SACM1L: variants seen among roughly 807,000 people sequenced by gnomAD.
The protein encoded by SACM1L is phosphatidylinositol-3-phosphatase SAC1.
A neutral mutation model predicts 89.5 loss-of-function variants in SACM1L; 32 were observed. The ratio of observed to expected loss-of-function variants is 0.36; its 90% CI spans 0.27 to 0.48. SACM1L has a LOEUF of 0.48. Ranked by LOEUF, SACM1L falls within the 20% of genes least tolerant of loss-of-function variation. The probability of loss-of-function intolerance (pLI) is 0.99; values close to 1 mark genes in which losing one functional copy is unlikely to be tolerated. For synonymous variants in SACM1L, 213 were observed against 232.8 expected, an observed-to-expected ratio of 0.92 and a Z score of 0.77; for missense variants, 543 against 708.5, an observed-to-expected ratio of 0.77 and a Z score of 2.65.
intron 7 of SACM1L, among the ~76,000 whole-genome samples, chr3:45,714,453 G>A (rs889993931): frequency 1.3e-5 from 2 of 152,076 alleles, no homozygotes; most frequent in Admixed American, 1.3e-4. Context: ...GACTTAGGCC[G>A]GGCATGGTGG....
Position 45,709,482 on chromosome 3 carries a change from TTTTC to T in SACM1L, c.334-12_334-9del. 6.3e-7 allele frequency: 1 copy of T among 1,591,598 alleles called. No individual in the cohort carries two copies. ...CTTTTCAATTATGAGCTATACTGAT[TTTTC>T]TTTGTTTATAGTTACAAGATAATAA... On this transcript the variant is annotated splice_polypyrimidine_tract_variant and intron_variant, in intron 4 of 19. Coordinates refer to ENST00000389061, the MANE Select transcript of SACM1L (RefSeq NM_014016.5).
chr3:45,723,498 T>G lies in SACM1L; in HGVS notation c.876T>G (p.Phe292Leu), dbSNP rs1698836495. The change falls in exon 11 of 20, where the codon TTT (phenylalanine) becomes TTG (leucine). Residue 292 changes from phenylalanine to leucine, a missense_variant. By Grantham distance (22) the Phe-to-Leu change is conservative. Transcript: ENST00000389061. ...ANHMDGFQRH[F>L]DSQVIIYGKQ... is the part of the protein sequence containing the mutation. The stretch of plus-strand genomic sequence containing the variant: ...AGATGGACGGTTTCCAAAGGCATTT[T>G]GATTCCCAAGTAATTATTTATGGAA... 6.6e-7 allele frequency: 1 copy of G among 1,506,270 alleles called. No individual in the cohort carries two copies. The highest frequency in any genetic ancestry group is 1.4e-5 in the South Asian group (1 of 71,802). 93.3% of individuals were successfully genotyped at this position (1,506,270 alleles called of 1,614,324 possible).
At position 45,689,426 on chromosome 3, in the gene SACM1L, G is replaced by T; in HGVS notation, c.-40G>T. ...TGTAGCCGAGGTGGCGGCGCGGGGC[G>T]GGGCGGGCGGAGAGAGAAGGAAGGA... On this transcript the variant is annotated 5_prime_UTR_variant, in exon 1 of 20. Coordinates refer to ENST00000389061, the MANE Select transcript of SACM1L (RefSeq NM_014016.5). The T allele has an allele frequency of 6.4e-7, 1 of 1,551,512 alleles. No homozygotes were observed. The highest frequency in any genetic ancestry group is 8.7e-7 in the Non-Finnish European group (1 of 1,148,062).
At chr3:45,702,660 T>G (rs912026141) in intron 1 of SACM1L, among the ~76,000 whole-genome samples, 1 of 152,238 alleles carries the variant, frequency 6.6e-6, no homozygotes, top group East Asian at 1.9e-4. Flanking sequence ...TTGTATATCC[T>G]GAGTCAGTCC....
intron 11 of SACM1L, among the ~76,000 whole-genome samples, chr3:45,724,847 CAT>C (rs748372580): frequency 1.8e-4 from 28 of 152,104 alleles, no homozygotes; most frequent in African/African-American, 2.4e-4. Context: ...TAAAACTGCA[CAT>C]GAGTTAATTT....
chr3:45,704,957 C>T (rs1210396647), intron 2 of SACM1L, among the ~76,000 whole-genome samples, 178 bp from the exon 3 acceptor site: 1 of 152,180 alleles, frequency 6.6e-6, no homozygotes, highest in Non-Finnish European at 1.5e-5. Flanking sequence ...CTGTTACACT[C>T]CAGTTTACAT....
At chr3:45,716,842 G>A (rs1698674241) in intron 7 of SACM1L, among the ~76,000 whole-genome samples, 1 of 152,160 alleles carries the variant, frequency 6.6e-6, no homozygotes, top group Non-Finnish European at 1.5e-5. Context: ...TAAAAGTTAT[G>A]CTGATGGGAT....
In SACM1L at chr3:45,689,453, G is replaced by C. The variant is rs200675699; in HGVS notation, c.-13G>C. ...GGCGGGCGGAGAGAGAAGGAAGGAG[G>C]TGGTTGTGCAGGATGGCGACGGCGG... On this transcript the variant is annotated 5_prime_UTR_variant, in exon 1 of 20. Coordinates refer to ENST00000389061, the MANE Select transcript of SACM1L (RefSeq NM_014016.5). 1,257 of 1,567,148 alleles carry C rather than the reference G, an allele frequency of 8.0e-4. 14 individuals are homozygous for C. In the South Asian group the frequency reaches 0.011, roughly 13 times the overall value.
chr3:45,722,663 TA>T (rs762067755), intron 9 of SACM1L, among the ~76,000 whole-genome samples: 3 of 152,318 alleles, frequency 2.0e-5, no homozygotes, highest in East Asian at 1.9e-4. Context: ...GCCATGTATA[TA>T]AAACTAGAAG....
At chr3:45,711,420 A>G (rs1698526807) in intron 5 of SACM1L, among the ~76,000 whole-genome samples, 1 of 152,164 alleles carries the variant, frequency 6.6e-6, no homozygotes, top group African/African-American at 2.4e-5. Flanking sequence ...TGAGTCCATG[A>G]GTTCAGGACC....
Position 45,706,770 on chromosome 3 carries a change from C to T in SACM1L, c.206-10C>T, listed in dbSNP as rs756999061. 9 of 1,590,110 alleles carry T rather than the reference C, an allele frequency of 5.7e-6. No individual in the cohort carries two copies. The highest frequency in any genetic ancestry group is 3.6e-4 in the Middle Eastern group (2 of 5,610). On this transcript the variant is annotated splice_polypyrimidine_tract_variant and intron_variant, in intron 3 of 19. Coordinates refer to ENST00000389061, the MANE Select transcript of SACM1L (RefSeq NM_014016.5). ...TTTATAATTATGTGTGTTTGGCTTGCTTTTTGCAGGTAATTATCTTATAGT... is the reference window on the plus strand; with the variant it reads ...TTTATAATTATGTGTGTTTGGCTTGTTTTTTGCAGGTAATTATCTTATAGT...
intron 13 of SACM1L, 195 bp from the exon 14 acceptor site, chr3:45,735,040 G>A (rs527584138): frequency 4.5e-6 from 2 of 440,160 alleles, no homozygotes; most frequent in Admixed American, 8.2e-5. Flanking sequence ...TTGGATGGAG[G>A]GCTGTCTTGC....
chr3:45,723,950 GCACACACACACACAGACA>G (rs1205245389), intron 11 of SACM1L, among the ~76,000 whole-genome samples: 2 of 117,338 alleles, frequency 1.7e-5, no homozygotes, highest in South Asian at 2.6e-4. Context: ...ATGCATATAT[GCACACACACACACAGACA>G]CACACACACA....
At chr3:45,733,478 G>T (rs1559550952) in intron 13 of SACM1L, among the ~76,000 whole-genome samples, 1 of 152,030 alleles carries the variant, frequency 6.6e-6, no homozygotes, top group South Asian at 2.1e-4. Context: ...ATGGGGTACG[G>T]ACACACACAC....
In SACM1L at chr3:45,734,288, C is replaced by CTG. The variant is rs1699145498; in HGVS notation, c.1101-945_1101-944dup. Among the ~76,000 whole-genome samples the CTG allele has an allele frequency of 3.3e-5, 5 of 151,570 alleles. No individual in the cohort carries two copies. The South Asian group carries it at 1.0e-3, about 32-fold the overall frequency. ...ATTAGCCAGGCATGGTGGTGGGTGC[C>CTG]TGTAATCACAGCTACTCAGGAGGCC... On this transcript the variant is annotated intron_variant, in intron 13 of 19. Transcript: ENST00000389061.
intron 12 of SACM1L, 91 bp from the exon 13 acceptor site, chr3:45,731,962 A>G: frequency 1.3e-6 from 1 of 757,918 alleles, no homozygotes; most frequent in East Asian, 2.5e-5. Flanking sequence ...ATGCACTGAT[A>G]TAAAGAGGAA....
chr3:45,714,424 T>C (rs1407420155), intron 7 of SACM1L, among the ~76,000 whole-genome samples: 1 of 152,158 alleles, frequency 6.6e-6, no homozygotes. Flanking sequence ...CTTTCCTAAG[T>C]ACATAATTTA....
Position 45,714,094 on chromosome 3 carries a change from T to C in SACM1L, c.577+15T>C. The C allele has an allele frequency of 6.6e-7, 1 of 1,503,762 alleles. No individual in the cohort carries two copies. Among genetic ancestry groups the C allele is most frequent in the Admixed American group, 1.9e-5 (1 of 53,968 alleles). 93.2% of individuals were successfully genotyped at this position (1,503,762 alleles called of 1,614,324 possible). On this transcript the variant is annotated intron_variant, in intron 7 of 19. Coordinates refer to ENST00000389061, the MANE Select transcript of SACM1L (RefSeq NM_014016.5). ...GTTACATGGCTGTATCCTTACATGA[T>C]ATTACTCTTTAGTTTCTAGATGCCT...
intron 1 of SACM1L, 31 bp downstream of exon 1, chr3:45,689,528 C>G (rs1697915543): frequency 4.5e-6 from 7 of 1,559,214 alleles, no homozygotes; most frequent in Non-Finnish European, 6.1e-6. Context: ...GCCTGAGGCG[C>G]GGCGGGCGGG....
Sources: gnomAD v4.1 joint callset for allele counts (sites outside exome capture counted in the v4.1 genomes callset) on GRCh38, gnomAD v4.1.1 for gene constraint, MANE v1.5 for transcripts, NCBI Gene and HGNC (gene_info 2026-07-23, HGNC 2026-07-21) for gene names.